The following LRP5 variants were observed in gnomAD, a reference collection of about 807,000 sequenced individuals.
LRP5 encodes the protein LDL receptor related protein 5.
LRP5 carries 62 observed loss-of-function variants against 154.1 expected under a neutral mutation model. The ratio of observed to expected loss-of-function variants is 0.40; its 90% confidence interval spans 0.33 to 0.50. The LOEUF is 0.50. LRP5 is among the 20% of genes least tolerant of loss of function. LRP5 has a pLI of 0.55. For missense variants in LRP5, 1,915 were observed against 2,336.7 expected (o/e 0.82, Z 3.72); for synonymous variants, 966 against 1,011.5 (o/e 0.96, Z 0.85).
chr11:68,430,019 G>C (rs199959733), intron 17 of LRP5, among the ~76,000 whole-genome samples: 1 of 152,206 alleles, frequency 6.6e-6, no homozygotes, highest in East Asian at 1.9e-4. Context: ...AGTTTCTAAA[G>C]AGTTGGGGCT....
chr11:68,403,713 G>C lies in LRP5; in HGVS notation c.1801+14G>C. On this transcript the variant is annotated intron_variant, in intron 8 of 22. Transcript: ENST00000294304. ...CCAAGGTCGTCGGTGAGTCCGGGGG[G>C]TCCCAAGCCATGGCTCAGCCATGCA... 1 of 1,612,618 alleles carries C rather than the reference G, an allele frequency of 6.2e-7. No individual in the cohort carries two copies. The highest frequency in any genetic ancestry group is 1.1e-5 in the South Asian group (1 of 91,000).
At chr11:68,446,353 A>G in intron 21 of LRP5, 83 bp from the exon 22 acceptor site, 1 of 996,000 alleles carries the variant, frequency 1.0e-6, no homozygotes, top group Non-Finnish European at 1.6e-6. Flanking sequence ...CCTCTCTGCA[A>G]GGAAAGCCCG....
intron 2 of LRP5, 72 bp from the exon 3 acceptor site, chr11:68,357,578 T>A: frequency 2.9e-6 from 4 of 1,375,148 alleles, no homozygotes; most frequent in Non-Finnish European, 4.1e-6. Flanking sequence ...TTGTTTCATG[T>A]CTGCATCTAT....
chr11:68,356,925 A>ATTTCT (rs1430707071), intron 2 of LRP5, among the ~76,000 whole-genome samples: 1 of 146,716 alleles, frequency 6.8e-6, no homozygotes, highest in Non-Finnish European at 1.5e-5. Flanking sequence ...TTGATAGATC[A>ATTTCT]TTTCTTTTCT....
Position 68,428,943 on chromosome 11 carries a change from A to AAAAAAAAAAG in LRP5, c.3638-628_3638-627insAAAAAGAAAA, listed in dbSNP as rs1226823081. 6.3e-4 allele frequency among the ~76,000 whole-genome samples: 2 copies of AAAAAAAAAAG among 3,172 alleles called. 1 individual carries two copies. Among genetic ancestry groups the AAAAAAAAAAG allele is most frequent in the Non-Finnish European group, 1.1e-3 (2 of 1,840 alleles). The allele number at this position is 3,172 out of a possible 152,430, so 2.1% of individuals were successfully genotyped here. A position where few individuals can be genotyped will look rare whatever the true frequency, so the allele number is the denominator to read the frequency against. On this transcript the variant is annotated intron_variant, in intron 16 of 22. Coordinates refer to ENST00000294304, the MANE Select transcript of LRP5 (RefSeq NM_002335.4). ...AAAAGTGAAAAAAAAAAAAAAAAAA[A>AAAAAAAAAAG]AAAATTAGCCAGGCACAGTGGCAGG...
chr11:68,413,925 G>A lies in LRP5; in HGVS notation c.2740G>A (p.Gly914Arg), dbSNP rs2098661042. 6.2e-7 allele frequency: 1 copy of A among 1,611,842 alleles called. No individual in the cohort carries two copies. The highest frequency in any genetic ancestry group is 1.7e-5 in the Admixed American group (1 of 60,024). ...CTGTATGCACAACAACGGGCAGTGTGGGCAGCTGTGCCTTGCCATCCCCGG... is the reference window on the plus strand; with the variant it reads ...CTGTATGCACAACAACGGGCAGTGTAGGCAGCTGTGCCTTGCCATCCCCGG... ...NDCMHNNGQC[G>R]QLCLAIPGGH... Residue 914 changes from glycine (G) to arginine (R), a missense_variant, in exon 12 of 23, where the codon GGG (glycine) becomes AGG (arginine). Coordinates refer to ENST00000294304, the MANE Select transcript of LRP5 (RefSeq NM_002335.4). The surrounding 1 kb of genome is among the most constrained non-coding windows in gnomAD (Gnocchi z 5.1).
At chr11:68,442,335 C>A (rs1313399773) in intron 21 of LRP5, among the ~76,000 whole-genome samples, 3 of 152,184 alleles carry the variant, frequency 2.0e-5, no homozygotes, top group African/African-American at 4.8e-5. Flanking sequence ...AGTGCAGTGG[C>A]ACAATCACAG....
chr11:68,360,434 C>T (rs546545052), intron 3 of LRP5, among the ~76,000 whole-genome samples: 12 of 152,286 alleles, frequency 7.9e-5, no homozygotes, highest in South Asian at 2.1e-4. Flanking sequence ...CTGGTCTGTT[C>T]TCAGCCTCTC....
At chr11:68,374,878 A>G (rs1258215085) in intron 5 of LRP5, among the ~76,000 whole-genome samples, 1 of 152,194 alleles carries the variant, frequency 6.6e-6, no homozygotes, top group Admixed American at 6.5e-5. Context: ...GCGGGGGCAC[A>G]GGGGGAATGG....
chr11:68,437,980 C>A lies in LRP5; in HGVS notation c.4112-466C>A, dbSNP rs145977069. ...CTTTTGCCAAAGTTGAGTCTGGAGC[C>A]TGGAAACTTCCCTATGGGCAGCCTT... On this transcript the variant is annotated intron_variant, in intron 19 of 22. Coordinates refer to ENST00000294304, the MANE Select transcript of LRP5 (RefSeq NM_002335.4). Among the ~76,000 whole-genome samples, 1,438 of 152,350 alleles carry A rather than the reference C, an allele frequency of 9.4e-3. 9 individuals are homozygous for A. Among genetic ancestry groups the A allele is most frequent in the African/African-American group, 0.021 (865 of 41,568 alleles).
intron 5 of LRP5, among the ~76,000 whole-genome samples, chr11:68,376,171 C>CTTT (rs60401481): frequency 1.4e-4 from 13 of 92,822 alleles, no homozygotes; most frequent in Non-Finnish European, 1.9e-4. Context: ...GGCCCTGCTT[C>CTTT]TTTTTTTTTT....
In LRP5 at chr11:68,446,203, C is replaced by T. The variant is rs181654983; in HGVS notation, c.4489-233C>T. On this transcript the variant is annotated intron_variant, in intron 21 of 22. Transcript: ENST00000294304. ...GCAGGTACTTGGAAGGGCGCGGGCA[C>T]CTGGGCCAAAAGTGCCTGGGTTCCC... 1.6e-4 allele frequency among the ~76,000 whole-genome samples: 25 copies of T among 152,336 alleles called. 1 individual carries two copies. The highest frequency in any genetic ancestry group is 1.4e-3 in the Admixed American group (22 of 15,298).
At chr11:68,318,496 G>A (rs1341571179) in intron 1 of LRP5, among the ~76,000 whole-genome samples, 8 of 151,926 alleles carry the variant, frequency 5.3e-5, no homozygotes, top group Non-Finnish European at 1.2e-4. Flanking sequence ...GCACCACCAC[G>A]CCCAGCTGAT....
intron 5 of LRP5, among the ~76,000 whole-genome samples, chr11:68,385,972 G>T (rs2098642772): frequency 6.6e-6 from 1 of 152,104 alleles, no homozygotes; most frequent in Non-Finnish European, 1.5e-5. Flanking sequence ...GCCAGGAGAG[G>T]GGCTGGCAGG....
intron 9 of LRP5, among the ~76,000 whole-genome samples, chr11:68,407,451 T>C (rs1182206479): frequency 1.3e-5 from 2 of 149,170 alleles, no homozygotes; most frequent in South Asian, 2.2e-4. Flanking sequence ...AGATAACAGG[T>C]GTGAGCCACC....
chr11:68,385,217 C>G (rs2098642322), intron 5 of LRP5, among the ~76,000 whole-genome samples: 1 of 152,206 alleles, frequency 6.6e-6, no homozygotes, highest in Non-Finnish European at 1.5e-5. Context: ...CTGAGAGGAC[C>G]AGGCTCTCCC....
At chr11:68,332,850 G>T (rs759711103) in intron 1 of LRP5, among the ~76,000 whole-genome samples, 1 of 152,168 alleles carries the variant, frequency 6.6e-6, no homozygotes, top group African/African-American at 2.4e-5. Flanking sequence ...TTCAGCCAAG[G>T]TGGAAATGGG....
At chr11:68,325,752 C>G (rs796392123) in intron 1 of LRP5, among the ~76,000 whole-genome samples, 1 of 152,188 alleles carries the variant, frequency 6.6e-6, no homozygotes, top group Non-Finnish European at 1.5e-5. Flanking sequence ...GTGTCCTGCT[C>G]CTAGCTCTGC....
chr11:68,300,215 G>T, the LRP5 span, among the ~76,000 whole-genome samples: 5 of 149,182 alleles, frequency 3.4e-5, no homozygotes, highest in Admixed American at 6.7e-5. Context: ...TAAGAAGGGA[G>T]AATCCCGTGG....
Sources: gnomAD v4.1 joint callset for allele counts (sites outside exome capture counted in the v4.1 genomes callset) on GRCh38, gnomAD v4.1.1 for gene constraint, Gnocchi (gnomAD v3.1) non-coding constraint, MANE v1.5 for transcripts, NCBI Gene and HGNC (gene_info 2026-07-23, HGNC 2026-07-21) for gene names.